The following DNAH14 variants were observed in gnomAD, a reference collection of about 807,000 sequenced individuals.
DNAH14 encodes dynein axonemal heavy chain 14.
DNAH14 carries 478 observed loss-of-function variants against 520.9 expected under a neutral mutation model. The ratio of observed to expected loss-of-function variants is 0.92; its 90% CI spans 0.85 to 0.99. DNAH14 has a LOEUF of 0.99. Among genes scored for constraint, DNAH14 ranks in the 50% least tolerant of loss-of-function variants. DNAH14 has a pLI of 0.00. For missense variants in DNAH14, 4,831 were observed against 5,234.5 expected (o/e 0.92, Z 2.38); for synonymous variants, 1,581 against 1,757.2 (o/e 0.90, Z 2.51).
intron 42 of DNAH14, among the ~76,000 whole-genome samples, chr1:225,237,319 G>C (rs1191520753): frequency 1.3e-5 from 2 of 152,036 alleles, no homozygotes; most frequent in Non-Finnish European, 1.5e-5. Context: ...TGCTGGTGAT[G>C]AATAACCTCA....
intron 39 of DNAH14, among the ~76,000 whole-genome samples, chr1:225,204,856 CT>C (rs1232387976): frequency 2.0e-5 from 3 of 152,176 alleles, no homozygotes; most frequent in African/African-American, 7.2e-5. Context: ...GAGATTTCTA[CT>C]TCTGCTTCTA....
At chr1:225,016,726 GT>G (rs894041672) in intron 10 of DNAH14, among the ~76,000 whole-genome samples, 4 of 150,446 alleles carry the variant, frequency 2.7e-5, no homozygotes, top group Admixed American at 2.0e-4. Flanking sequence ...TTTCTTCACT[GT>G]TTTTTTTCTT....
intron 7 of DNAH14, chr1:224,969,804 A>G: frequency 6.3e-6 from 1 of 157,592 alleles, no homozygotes; most frequent in East Asian, 1.8e-4. Flanking sequence ...ATGGATACTT[A>G]TCACAATAAA....
intron 57 of DNAH14, among the ~76,000 whole-genome samples, chr1:225,303,928 G>C (rs780489215): frequency 6.6e-6 from 1 of 152,126 alleles, no homozygotes; most frequent in Non-Finnish European, 1.5e-5. Flanking sequence ...TAGGTCCTAC[G>C]GGACCAATGG....
Position 225,100,693 on chromosome 1 carries a change from A to T in DNAH14, c.3696-20A>T. On this transcript the variant is annotated intron_variant, in intron 22 of 85. Transcript: ENST00000682510. ...AGTGCCTTAAAAAAAATAAAATGAC[A>T]TCTAATTTTTTTTCTAAAGGCAACT... The T allele has an allele frequency of 6.8e-7, 1 of 1,467,604 alleles. No homozygotes were observed. Among genetic ancestry groups the T allele is most frequent in the Non-Finnish European group, 9.0e-7 (1 of 1,113,422 alleles). 90.9% of individuals were successfully genotyped at this position (1,467,604 alleles called of 1,614,324 possible).
At chr1:225,384,158 T>C (rs2095812424) in intron 81 of DNAH14, among the ~76,000 whole-genome samples, 1 of 152,218 alleles carries the variant, frequency 6.6e-6, no homozygotes, top group Admixed American at 6.5e-5. Flanking sequence ...TACTTCCAAC[T>C]ATGTTGTCAA....
rs558426936 is a variant in DNAH14 at position 225,040,943 on chromosome 1, C to A, written c.1489-1892C>A. Among the ~76,000 whole-genome samples the A allele has an allele frequency of 3.1e-3, 465 of 152,194 alleles. 3 individuals are homozygous for A. The highest frequency in any genetic ancestry group is 0.011 in the African/African-American group (443 of 41,524). ...TTGCCAAAGTTTTAATTTGAATTTCCCTTATTACTAGTTTGAGCATTTTTT... is the reference window on the plus strand; with the variant it reads ...TTGCCAAAGTTTTAATTTGAATTTCACTTATTACTAGTTTGAGCATTTTTT... On this transcript the variant is annotated intron_variant, in intron 12 of 85. Coordinates refer to ENST00000682510, the MANE Select transcript of DNAH14 (RefSeq NM_001367479.1).
intron 25 of DNAH14, among the ~76,000 whole-genome samples, chr1:225,118,518 T>C (rs566791247): frequency 6.6e-6 from 1 of 152,184 alleles, no homozygotes; most frequent in East Asian, 1.9e-4. Flanking sequence ...GTAAGTTGAT[T>C]TTTAAAAAAA....
At chr1:225,073,455 A>G (rs2071801378) in intron 17 of DNAH14, among the ~76,000 whole-genome samples, 1 of 151,854 alleles carries the variant, frequency 6.6e-6, no homozygotes, top group African/African-American at 2.4e-5. Context: ...CAGGATTGGG[A>G]ACCCACTTAA....
At chr1:225,296,448 G>T (rs1195161488) in intron 55 of DNAH14, among the ~76,000 whole-genome samples, 1 of 150,572 alleles carries the variant, frequency 6.6e-6, no homozygotes, top group African/African-American at 2.4e-5. Flanking sequence ...TCATTTTGTT[G>T]ATTGTTTTCT....
At chr1:225,011,427 A>G (rs2064730285) in intron 10 of DNAH14, among the ~76,000 whole-genome samples, 2 of 152,012 alleles carry the variant, frequency 1.3e-5, no homozygotes, top group African/African-American at 4.8e-5. Flanking sequence ...TTTGGGGTGG[A>G]GTGTTGTGTA....
At chr1:225,360,486 G>A (rs922388021) in intron 74 of DNAH14, among the ~76,000 whole-genome samples, 195 bp from the exon 75 acceptor site, 2 of 152,188 alleles carry the variant, frequency 1.3e-5, no homozygotes, top group African/African-American at 2.4e-5. Context: ...GTTAGATATT[G>A]TTATCATCCT....
At chr1:225,065,283 T>G (rs1408377112) in intron 17 of DNAH14, among the ~76,000 whole-genome samples, 2 of 152,074 alleles carry the variant, frequency 1.3e-5, no homozygotes, top group African/African-American at 2.4e-5. Context: ...TGTAATGATT[T>G]ATGAACATAA....
At chr1:225,091,199 C>T (rs905334413) in intron 21 of DNAH14, among the ~76,000 whole-genome samples, 8 of 152,052 alleles carry the variant, frequency 5.3e-5, no homozygotes, top group Admixed American at 1.3e-4. Flanking sequence ...ATTTCTTCAA[C>T]TTTACTAGAG....
At chr1:225,141,870 G>C (rs1007041349) in intron 28 of DNAH14, among the ~76,000 whole-genome samples, 3 of 152,156 alleles carry the variant, frequency 2.0e-5, no homozygotes, top group Non-Finnish European at 4.4e-5. Flanking sequence ...CCTTTAGTGA[G>C]AAGAGATTGA....
At chr1:224,973,791 A>C (rs1558563209) in intron 7 of DNAH14, among the ~76,000 whole-genome samples, 2 of 152,146 alleles carry the variant, frequency 1.3e-5, no homozygotes, top group African/African-American at 4.8e-5. Context: ...GTAAGCCAAT[A>C]AACATATAAA....
intron 18 of DNAH14, among the ~76,000 whole-genome samples, chr1:225,079,889 G>A (rs542328070): frequency 2.0e-5 from 3 of 151,860 alleles, no homozygotes; most frequent in Non-Finnish European, 4.4e-5. Flanking sequence ...TAGCCAAGAT[G>A]GTCTCGATCT....
Position 225,333,515 on chromosome 1 carries a change from A to G in DNAH14, c.10080+9A>G. The G allele has an allele frequency of 6.5e-7, 1 of 1,544,312 alleles. No homozygotes were observed. On this transcript the variant is annotated intron_variant, in intron 66 of 85. Transcript: ENST00000682510. ...TGGCACAAAAATATGAGGTAATAAC[A>G]TATTTCTATTATCCAGTTAAGTGGC...
At chr1:225,368,771 G>C (rs1360150112) in intron 77 of DNAH14, among the ~76,000 whole-genome samples, 1 of 152,096 alleles carries the variant, frequency 6.6e-6, no homozygotes, top group Non-Finnish European at 1.5e-5. Flanking sequence ...CACTCTAGAT[G>C]GGTAGCCTTC....
Sources: allele counts gnomAD v4.1 joint callset (sites outside exome capture counted in the v4.1 genomes callset), GRCh38; gene constraint gnomAD v4.1.1; transcripts MANE v1.5; gene names NCBI Gene and HGNC (gene_info 2026-07-23, HGNC 2026-07-21).